Variants in SH3D19 observed in about 807,000 individuals in gnomAD.
SH3D19 encodes the protein SH3 domain containing 19, also known as SH3 domain-containing protein 19.
A neutral mutation model predicts 112.1 loss-of-function variants in SH3D19; 58 were observed. The observed-to-expected ratio is 0.52, with a 90% CI of 0.42 to 0.64. The LOEUF (loss-of-function observed/expected upper bound fraction) is 0.64. Ranked by LOEUF, SH3D19 falls within the 30% of genes least tolerant of loss-of-function variation. SH3D19 has a pLI of 0.00. For missense variants in SH3D19, 1,090 were observed against 1,263.4 expected, an observed-to-expected ratio of 0.86 and a Z score of 2.08; for synonymous variants, 391 against 448.5, an observed-to-expected ratio of 0.87 and a Z score of 1.62.
intron 7 of SH3D19, among the ~76,000 whole-genome samples, chr4:151,171,686 A>T (rs1759098257): frequency 6.6e-6 from 1 of 152,158 alleles, no homozygotes. Context: ...TTGTCATCAC[A>T]ATTAGTTTCA....
intron 2 of SH3D19, among the ~76,000 whole-genome samples, chr4:151,211,618 T>A (rs1195547913): frequency 6.6e-6 from 1 of 151,144 alleles, no homozygotes; most frequent in African/African-American, 2.4e-5. Context: ...TTAAATGTGC[T>A]ATCCCAGGGA....
chr4:151,132,431 G>T (rs774226644), intron 16 of SH3D19, 48 bp from the exon 17 acceptor site: 3 of 1,535,810 alleles, frequency 2.0e-6, no homozygotes, highest in Non-Finnish European at 2.7e-6. Context: ...CATTAGATGT[G>T]AAGGCCACAT....
intron 1 of SH3D19, among the ~76,000 whole-genome samples, chr4:151,229,520 A>C (rs1020513910): frequency 4.3e-4 from 65 of 151,988 alleles, no homozygotes; most frequent in Non-Finnish European, 2.9e-5. Context: ...ACACACACAC[A>C]CCCCGCTCTT....
chr4:151,324,439 C>T (rs561603743), intron 1 of SH3D19, among the ~76,000 whole-genome samples: 2 of 152,282 alleles, frequency 1.3e-5, no homozygotes, highest in African/African-American at 4.8e-5. Flanking sequence ...TTTGTTCTTC[C>T]CTCTTGTTTT....
intron 7 of SH3D19, among the ~76,000 whole-genome samples, chr4:151,172,844 G>C (rs949310411): frequency 2.0e-5 from 3 of 152,170 alleles, no homozygotes; most frequent in Non-Finnish European, 4.4e-5. Flanking sequence ...GGTGTCAATA[G>C]TGAGTTGCAA....
rs557050445 is a variant in SH3D19, at chr4:151,133,225, C to T, written c.2498G>A (p.Cys833Tyr). 2.7e-5 allele frequency: 44 copies of T among 1,613,972 alleles called. 1 individual carries two copies. The Middle Eastern group carries it at 8.2e-4, about 30-fold the overall frequency. The change falls in exon 16 of 20, where the codon TGT (cysteine) becomes TAT (tyrosine). Residue 833 changes from cysteine (C) to tyrosine (Y), a missense_variant. Transcript: ENST00000604030. ...TCCAATATATTCAAACCGAGCAACA[C>T]ATCTTGAGCCTCTGAATGAAGAACA... ...VSSHCVKGSR[C>Y]VARFEYIGEQ...
chr4:151,325,189 C>G (rs1000189174), intron 1 of SH3D19, 52 bp downstream of exon 1: 1 of 1,056,118 alleles, frequency 9.5e-7, no homozygotes, highest in South Asian at 4.8e-5. Flanking sequence ...CCCGAGCGGC[C>G]CCAGAGCGCG....
rs536473738 is a variant in SH3D19 at position 151,312,832 on chromosome 4, C to T, written c.112+12409G>A. Among the ~76,000 whole-genome samples the T allele has an allele frequency of 6.5e-4, 97 of 150,124 alleles. 1 individual carries two copies. The South Asian group carries it at 9.5e-3, about 15-fold the overall frequency. On this transcript the variant is annotated intron_variant, in intron 1 of 19. Transcript: ENST00000604030. Reference sequence around the variant, plus strand: ...AGGAGAATGGTGTGAACCCGGGAGGCGAAGGTTGCAGTGAGCCAAGATTGC... The same window carrying T: ...AGGAGAATGGTGTGAACCCGGGAGGTGAAGGTTGCAGTGAGCCAAGATTGC...
intron 14 of SH3D19, among the ~76,000 whole-genome samples, chr4:151,135,706 G>C (rs941268666): frequency 3.9e-5 from 6 of 152,026 alleles, no homozygotes; most frequent in Admixed American, 1.3e-4. Context: ...TGGTATTATA[G>C]GTGTGAGCTG....
intron 7 of SH3D19, among the ~76,000 whole-genome samples, chr4:151,169,967 A>G (rs1758765336): frequency 6.6e-6 from 1 of 152,242 alleles, no homozygotes; most frequent in Non-Finnish European, 1.5e-5. Context: ...ACTATGAGGT[A>G]TCAGGCAGGA....
intron 2 of SH3D19, among the ~76,000 whole-genome samples, chr4:151,204,482 T>C (rs777261448): frequency 2.0e-5 from 3 of 152,232 alleles, no homozygotes; most frequent in Admixed American, 6.5e-5. Flanking sequence ...AGTCTTTACA[T>C]TTAGTATAAA....
chr4:151,294,461 T>G (rs963760802), intron 1 of SH3D19, among the ~76,000 whole-genome samples: 7 of 152,240 alleles, frequency 4.6e-5, no homozygotes, highest in African/African-American at 1.4e-4. Flanking sequence ...GAATAAGACA[T>G]GATCTCACTA....
chr4:151,129,116 T>A (rs1414143160), intron 17 of SH3D19, among the ~76,000 whole-genome samples: 2 of 152,216 alleles, frequency 1.3e-5, no homozygotes, highest in East Asian at 3.8e-4. Flanking sequence ...GGTCTATGAA[T>A]TCCCAGGTCT....
At chr4:151,293,258 C>T (rs1220198714) in intron 1 of SH3D19, among the ~76,000 whole-genome samples, 1 of 151,988 alleles carries the variant, frequency 6.6e-6, no homozygotes, top group Non-Finnish European at 1.5e-5. Context: ...ATCACGAGGT[C>T]AGGAGATCAA....
chr4:151,298,140 T>C lies in SH3D19; in HGVS notation c.112+27101A>G, dbSNP rs542142486. 1.4e-4 allele frequency among the ~76,000 whole-genome samples: 22 copies of C among 151,992 alleles called. 1 individual carries two copies. Among genetic ancestry groups the C allele is most frequent in the East Asian group, 3.9e-4 (2 of 5,166 alleles). The stretch of plus-strand genomic sequence containing the variant: ...GCACCTTGATTTTAGCTCAGTGAAA[T>C]TGATTTCAGACTTTAGACCTCCAGA... On this transcript the variant is annotated intron_variant, in intron 1 of 19. Coordinates refer to ENST00000604030, the MANE Select transcript of SH3D19 (RefSeq NM_001378122.1).
At chr4:151,273,900 A>G (rs563400127) in intron 1 of SH3D19, among the ~76,000 whole-genome samples, 8 of 152,350 alleles carry the variant, frequency 5.3e-5, no homozygotes, top group Admixed American at 3.9e-4. Context: ...TGTGCTATGA[A>G]TAAGAAATCT....
chr4:151,200,083 C>A (rs1427106152), intron 2 of SH3D19, among the ~76,000 whole-genome samples: 1 of 152,144 alleles, frequency 6.6e-6, no homozygotes, highest in Non-Finnish European at 1.5e-5. Flanking sequence ...ACTGCAAGCC[C>A]TTATTAGACA....
At chr4:151,248,200 G>A (rs1454124627) in intron 1 of SH3D19, among the ~76,000 whole-genome samples, 1 of 152,054 alleles carries the variant, frequency 6.6e-6, no homozygotes, top group Non-Finnish European at 1.5e-5. Context: ...CTGGCCTTAA[G>A]CAACCCTCCT....
At chr4:151,245,868 T>C (rs13120319) in intron 1 of SH3D19, among the ~76,000 whole-genome samples, 54,997 of 152,098 alleles carry the variant, frequency 0.36, 10,934 homozygotes, top group Non-Finnish European at 0.44. Flanking sequence ...CCCAAAGTGC[T>C]GGGATTTACA....
Sources: gnomAD v4.1 joint callset for allele counts (sites outside exome capture counted in the v4.1 genomes callset) on GRCh38, gnomAD v4.1.1 for gene constraint, MANE v1.5 for transcripts, NCBI Gene and HGNC (gene_info 2026-07-23, HGNC 2026-07-21) for gene names.